WDPCP: variants seen among roughly 807,000 people sequenced by gnomAD.
WDPCP encodes the protein WD repeat-containing and planar cell polarity effector protein fritz homolog.
WDPCP carries 71 observed loss-of-function variants against 93.1 expected under a neutral mutation model. That is an observed-to-expected ratio of 0.76 (90% CI 0.63 to 0.93). The LOEUF is 0.93. Ranked by LOEUF, WDPCP falls within the 40% of genes least tolerant of loss-of-function variation. The pLI is 0.00. For missense variants in WDPCP, 844 were observed against 887.4 expected (o/e 0.95, Z 0.62); for synonymous variants, 315 against 315.0 (o/e 1.00, Z 0.00).
intron 9 of WDPCP, among the ~76,000 whole-genome samples, chr2:63,413,520 G>A (rs1407631146): frequency 2.0e-5 from 3 of 152,042 alleles, no homozygotes; most frequent in East Asian, 1.9e-4. Context: ...AGATAAGGCC[G>A]GGCATGGTGG....
chr2:63,250,779 A>C (rs1443276507), intron 14 of WDPCP, among the ~76,000 whole-genome samples: 1 of 152,202 alleles, frequency 6.6e-6, no homozygotes, highest in East Asian at 1.9e-4. Flanking sequence ...GTTTGTCTTA[A>C]TATATCCTTC....
intron 10 of WDPCP, among the ~76,000 whole-genome samples, chr2:63,394,864 C>A (rs547762669): frequency 6.6e-6 from 1 of 152,000 alleles, no homozygotes; most frequent in African/African-American, 2.4e-5. Context: ...AAGAAAGGAA[C>A]AATAGACAAC....
At chr2:63,174,407 C>G (rs1286413113) in intron 15 of WDPCP, among the ~76,000 whole-genome samples, 1 of 152,052 alleles carries the variant, frequency 6.6e-6, no homozygotes, top group Non-Finnish European at 1.5e-5. Flanking sequence ...AATTTAACAG[C>G]AGAATACAAA....
intron 2 of WDPCP, among the ~76,000 whole-genome samples, chr2:63,670,881 G>A (rs1044336597): frequency 1.3e-5 from 2 of 151,272 alleles, no homozygotes; most frequent in Non-Finnish European, 2.9e-5. Flanking sequence ...ATGAAAGAGA[G>A]GAAAAAAAAG....
chr2:63,488,568 G>A (rs1311448564), intron 2 of WDPCP, among the ~76,000 whole-genome samples: 1 of 151,868 alleles, frequency 6.6e-6, no homozygotes, highest in African/African-American at 2.4e-5. Context: ...CTTGGATACT[G>A]ATATTTTATT....
intron 14 of WDPCP, among the ~76,000 whole-genome samples, chr2:63,193,956 T>A (rs1011904851): frequency 2.0e-5 from 3 of 152,186 alleles, no homozygotes; most frequent in Non-Finnish European, 4.4e-5. Context: ...TTTAATGACT[T>A]CTACTTACTG....
At chr2:63,611,155 G>A (rs1709609715) in intron 3 of WDPCP, among the ~76,000 whole-genome samples, 1 of 152,190 alleles carries the variant, frequency 6.6e-6, no homozygotes, top group African/African-American at 2.4e-5. Context: ...CATTTTTAAA[G>A]TTATGTAGTA....
chr2:63,675,527 G>A (rs145046295), intron 2 of WDPCP, among the ~76,000 whole-genome samples: 1 of 152,048 alleles, frequency 6.6e-6, no homozygotes, highest in African/African-American at 2.4e-5. Flanking sequence ...CGCGGGGTAG[G>A]GGGGTGGCAA....
rs17028098 is a variant in WDPCP at position 63,690,857 on chromosome 2, G to A, written n.309-40019C>T. Among the ~76,000 whole-genome samples, 1,115 of 152,230 alleles carry A rather than the reference G, an allele frequency of 7.3e-3. 17 individuals carry two copies. The highest frequency in any genetic ancestry group is 0.025 in the African/African-American group (1,027 of 41,530). On this transcript the variant is annotated intron_variant and non_coding_transcript_variant, in intron 2 of 4. Transcript: ENST00000467687. Reference sequence around the variant, plus strand: ...AGTTTACCTGTAATGATTCCATTGCGTAGTTGTTAAAAGCAAAAGATTGGA... The same window carrying A: ...AGTTTACCTGTAATGATTCCATTGCATAGTTGTTAAAAGCAAAAGATTGGA...
chr2:63,188,856 T>G (rs916921088), intron 14 of WDPCP, among the ~76,000 whole-genome samples: 11 of 152,198 alleles, frequency 7.2e-5, no homozygotes, highest in Non-Finnish European at 1.3e-4. Context: ...CCCGTTTCTT[T>G]GTATGCCTTG....
chr2:63,391,602 C>T (rs887688536), intron 10 of WDPCP, among the ~76,000 whole-genome samples: 1 of 152,050 alleles, frequency 6.6e-6, no homozygotes, highest in African/African-American at 2.4e-5. Flanking sequence ...TCAAATTGTC[C>T]CTGTTTGCAG....
intron 3 of WDPCP, among the ~76,000 whole-genome samples, chr2:63,628,775 G>A (rs1321061104): frequency 1.3e-5 from 2 of 152,160 alleles, no homozygotes; most frequent in African/African-American, 4.8e-5. Context: ...TCTGAGAGAA[G>A]GGCACATCCT....
intron 3 of WDPCP, among the ~76,000 whole-genome samples, chr2:63,600,845 T>C (rs781318464): frequency 7.9e-5 from 12 of 152,196 alleles, no homozygotes; most frequent in Non-Finnish European, 1.8e-4. Flanking sequence ...AGAGATATTA[T>C]ACATGTTACA....
intron 16 of WDPCP, 55 bp downstream of exon 16, chr2:63,153,440 A>G (rs537619581): frequency 1.1e-5 from 15 of 1,392,682 alleles, no homozygotes; most frequent in Admixed American, 8.6e-5. Context: ...CTTGCAAGCT[A>G]TAACATAGTT....
At chr2:63,831,539 A>G (rs1303868994), upstream of WDPCP, among the ~76,000 whole-genome samples, 1 of 152,166 alleles carries the variant, frequency 6.6e-6, no homozygotes, top group Non-Finnish European at 1.5e-5. Flanking sequence ...ATCCTTTTAT[A>G]TTGATGCTAA....
intron 2 of WDPCP, among the ~76,000 whole-genome samples, chr2:63,722,641 C>A: frequency 8.9e-6 from 1 of 112,968 alleles, no homozygotes; most frequent in Non-Finnish European, 2.0e-5. Context: ...GCCAGCCGCC[C>A]CGTCCGGGAG....
At chr2:63,431,845 A>C (rs1003386521) in intron 9 of WDPCP, among the ~76,000 whole-genome samples, 1 of 152,150 alleles carries the variant, frequency 6.6e-6, no homozygotes, top group Non-Finnish European at 1.5e-5. Context: ...TGAGAAAAAA[A>C]TGAATTATAT....
intron 1 of WDPCP, among the ~76,000 whole-genome samples, chr2:63,532,170 T>A (rs1409783765): frequency 6.7e-6 from 1 of 149,872 alleles, no homozygotes; most frequent in East Asian, 2.0e-4. Context: ...GAAAAAAGAG[T>A]GAAAAGAAAC....
rs1709902715 is a variant in WDPCP at position 63,634,648 on chromosome 2, A to T, written n.488+16011T>A. ...CAAAACAAGTCTTAACAAATTTAAG[A>T]AGCCGAAAAATTTACAAATATGTTA... is the stretch of plus-strand genomic sequence containing the variant. On this transcript the variant is annotated intron_variant and non_coding_transcript_variant, in intron 3 of 4. Transcript: ENST00000467687. Among the ~76,000 whole-genome samples, 3 of 152,348 alleles carry T rather than the reference A, an allele frequency of 2.0e-5. No individual in the cohort carries two copies. The South Asian group carries it at 6.2e-4, about 32-fold the overall frequency.
Sources: gnomAD v4.1 joint callset for allele counts (sites outside exome capture counted in the v4.1 genomes callset) on GRCh38, gnomAD v4.1.1 for gene constraint, MANE v1.5 for transcripts, NCBI Gene and HGNC (gene_info 2026-07-23, HGNC 2026-07-21) for gene names.